The following WDR86 variants were observed in gnomAD, a reference collection of about 807,000 sequenced individuals.
The protein encoded by WDR86 is WD repeat domain 86.
Under a neutral mutation model 36.5 loss-of-function variants are expected in WDR86, and 30 were observed. The observed-to-expected ratio is 0.82, with a 90% CI of 0.61 to 1.11. The LOEUF (loss-of-function observed/expected upper bound fraction) is 1.11, where lower values mean the gene tolerates loss of function less well. Ranked by LOEUF, WDR86 falls within the 50% of genes most tolerant of loss-of-function variation. The pLI is 0.00. For missense variants in WDR86, 545 were observed against 561.2 expected (o/e 0.97, Z 0.29); for synonymous variants, 255 against 252.9 (o/e 1.01, Z -0.08).
In WDR86 at chr7:151,388,438, G is replaced by C. The variant is rs549003561; in HGVS notation, c.727-3215C>G. Among the ~76,000 whole-genome samples the C allele has an allele frequency of 7.1e-6, 1 of 140,388 alleles. No homozygotes were observed. Among genetic ancestry groups the C allele is most frequent in the East Asian group, 2.2e-4 (1 of 4,648 alleles). The allele number at this position is 140,388 out of a possible 152,430, so 92.1% of individuals were successfully genotyped here. ...CCTGGGCGACCCCTCAAAGAGCAGG[G>C]GAGAGGGCTGCCCTGCAGCGCAGGG... is the stretch of plus-strand genomic sequence containing the variant. On this transcript the variant is annotated intron_variant, in intron 3 of 5. Coordinates refer to ENST00000334493, the MANE Select transcript of WDR86 (RefSeq NM_198285.3). The surrounding 1 kb of genome is among the most constrained non-coding windows in gnomAD (Gnocchi z 4.2).
At chr7:151,389,615 C>T (rs1799264915) in intron 3 of WDR86, among the ~76,000 whole-genome samples, 1 of 152,200 alleles carries the variant, frequency 6.6e-6, no homozygotes, top group South Asian at 2.1e-4. Flanking sequence ...CTCTTAAGGG[C>T]ACCTGGGAAG....
intron 1 of WDR86, among the ~76,000 whole-genome samples, chr7:151,402,064 AAAAAAAATAT>A: frequency 1.4e-5 from 1 of 71,438 alleles, no homozygotes; most frequent in South Asian, 3.4e-4. Flanking sequence ...AAAAAAAAAA[AAAAAAAATAT>A]ATATATATAT....
At position 151,381,952 on chromosome 7, in the gene WDR86, G is replaced by A. The variant is rs745626382; in HGVS notation, c.892C>T (p.Arg298Trp). The A allele has an allele frequency of 6.2e-6, 10 of 1,607,098 alleles. No individual in the cohort carries two copies. Among genetic ancestry groups the A allele is most frequent in the Middle Eastern group, 1.7e-4 (1 of 6,052 alleles). Residue 298 changes from arginine (R) to tryptophan (W), a missense_variant, in exon 5 of 6, where the codon CGG becomes TGG. Physicochemically the swap from Arg to Trp is moderately radical, Grantham distance 101. Coordinates refer to ENST00000334493, the MANE Select transcript of WDR86 (RefSeq NM_198285.3). The surrounding 1 kb of genome is among the most constrained non-coding windows in gnomAD (Gnocchi z 4.8). Reference protein sequence around the residue: ...LFTGSGDACARAFDAQSGELR... With the variant: ...LFTGSGDACAWAFDAQSGELR... ...TCTCCAGACTGCGCGTCGAAGGCCC[G>A]GGCGCAAGCGTCCCCGCTGCCCGTG...
chr7:151,404,692 G>A (rs1163607434), intron 1 of WDR86, among the ~76,000 whole-genome samples: 2 of 152,234 alleles, frequency 1.3e-5, no homozygotes, highest in Non-Finnish European at 2.9e-5. Flanking sequence ...ATTTCTGAAG[G>A]GATGAAGAAT....
chr7:151,394,991 G>A (rs937594476), intron 3 of WDR86, among the ~76,000 whole-genome samples: 41 of 145,266 alleles, frequency 2.8e-4, no homozygotes, highest in Middle Eastern at 3.5e-3. Flanking sequence ...AAGAAGGGGC[G>A]TAATCCTCCC....
chr7:151,378,845 C>T (rs187331924), downstream of WDR86, among the ~76,000 whole-genome samples: 3 of 152,350 alleles, frequency 2.0e-5, no homozygotes, highest in African/African-American at 7.2e-5. Flanking sequence ...TGTTTTTAGC[C>T]ATCATAGAAG....
At chr7:151,379,802 C>T (rs776285999), downstream of WDR86, among the ~76,000 whole-genome samples, 3 of 152,144 alleles carry the variant, frequency 2.0e-5, no homozygotes, top group East Asian at 1.9e-4. Flanking sequence ...CTGGAGCTGA[C>T]GTGTCAGTGA....
chr7:151,371,175 C>T (rs1393154696), downstream of WDR86, among the ~76,000 whole-genome samples: 1 of 152,166 alleles, frequency 6.6e-6, no homozygotes. Context: ...AGTTACGATG[C>T]CTTTGGCTGA....
At chr7:151,392,638 C>A (rs1276151569) in intron 3 of WDR86, among the ~76,000 whole-genome samples, 3 of 152,196 alleles carry the variant, frequency 2.0e-5, no homozygotes, top group African/African-American at 7.2e-5. Context: ...GCAAACTCCA[C>A]CCCTGCCACT....
At position 151,395,816 on chromosome 7, in the gene WDR86, C is replaced by G. The variant is rs139982186; in HGVS notation, c.686G>C (p.Arg229Pro). 1.9e-6 allele frequency: 3 copies of G among 1,573,022 alleles called. No homozygotes were observed. In the African/African-American group the frequency reaches 4.1e-5, roughly 21 times the overall value. Residue 229 changes from arginine (R) to proline (P), a missense_variant, in exon 3 of 6, where the codon CGG becomes CCG. Arg to Pro is a moderately radical substitution (Grantham distance 103, BLOSUM62 -2). Coordinates refer to ENST00000334493, the MANE Select transcript of WDR86 (RefSeq NM_198285.3). ...AWDILSGEQLRVFREHRGSVI... is the reference protein window; with the variant it reads ...AWDILSGEQLPVFREHRGSVI... ...GGAGCCCCGGTGCTCCCGGAACACC[C>G]GCAGCTGCTCCCCACTCAGGATGTC...
At chr7:151,379,019 G>C (rs1165097709), downstream of WDR86, among the ~76,000 whole-genome samples, 3 of 152,244 alleles carry the variant, frequency 2.0e-5, no homozygotes, top group Non-Finnish European at 4.4e-5. Context: ...ACAGGCGGTA[G>C]AGGAGGGGGC....
intron 4 of WDR86, 124 bp downstream of exon 4, chr7:151,384,964 C>T (rs538792350): frequency 9.2e-7 from 1 of 1,090,202 alleles, no homozygotes; most frequent in African/African-American, 1.6e-5. Context: ...GGAACGAGCA[C>T]TGCCATTGGA....
Position 151,409,582 on chromosome 7 carries a change from C to A in WDR86, c.8G>T (p.Gly3Val), listed in dbSNP as rs1416773636. The A allele has an allele frequency of 9.4e-6, 13 of 1,388,588 alleles. No individual in the cohort carries two copies. The highest frequency in any genetic ancestry group is 1.2e-5 in the Non-Finnish European group (13 of 1,074,782). The allele number at this position is 1,388,588 out of a possible 1,614,324, so 86.0% of individuals were successfully genotyped here. The change falls in exon 1 of 6, where the codon GGC becomes GTC. Residue 3 changes from glycine to valine, a missense_variant. Gly to Val is a moderately radical substitution (Grantham distance 109). Coordinates refer to ENST00000334493, the MANE Select transcript of WDR86 (RefSeq NM_198285.3). The surrounding 1 kb of genome is among the most constrained non-coding windows in gnomAD (Gnocchi z 5.2). The part of the protein sequence containing the change: MG[G>V]GGSALRVCAD... ...GCAGACCCTCAGGGCCGACCCGCCG[C>A]CCCCCATCCCGCTGGCAGGGCGGGG... is the stretch of plus-strand genomic sequence containing the variant.
chr7:151,396,495 G>A (rs1799831499), intron 2 of WDR86, among the ~76,000 whole-genome samples: 1 of 152,210 alleles, frequency 6.6e-6, no homozygotes, highest in Non-Finnish European at 1.5e-5. Flanking sequence ...TGCAGGAGCA[G>A]CGGGAAGGGG....
At chr7:151,397,616 AG>A (rs1380198217) in intron 2 of WDR86, among the ~76,000 whole-genome samples, 3 of 149,002 alleles carry the variant, frequency 2.0e-5, no homozygotes, top group African/African-American at 2.5e-5. Context: ...AAAGTGCGGG[AG>A]GAAGAGGGTG....
Position 151,396,188 on chromosome 7 carries a change from A to G in WDR86, c.314T>C (p.Val105Ala). The G allele has an allele frequency of 6.2e-7, 1 of 1,612,832 alleles. No homozygotes were observed. The highest frequency in any genetic ancestry group is 8.5e-7 in the Non-Finnish European group (1 of 1,179,846). The change falls in exon 3 of 6, where the codon GTT (valine) becomes GCT (alanine). Residue 105 changes from valine (V) to alanine (A), a missense_variant. Coordinates refer to ENST00000334493, the MANE Select transcript of WDR86 (RefSeq NM_198285.3). ...GHTSIVNRIL[V>A]ANNQLFSSSY... ...GCTGCTGAAGAGCTGGTTGTTGGCA[A>G]CCAGGATCCTGGGGGCAAGAGGGAA...
intron 3 of WDR86, among the ~76,000 whole-genome samples, chr7:151,391,112 A>G (rs1371204481): frequency 2.0e-5 from 3 of 152,236 alleles, no homozygotes; most frequent in African/African-American, 4.8e-5. Context: ...GCAGATCGTG[A>G]GCGGCACTTC....
the WDR86 span, among the ~76,000 whole-genome samples, chr7:151,370,249 G>A: frequency 1.3e-5 from 2 of 152,024 alleles, no homozygotes; most frequent in Non-Finnish European, 2.9e-5. Context: ...ACCACGCCCA[G>A]CTTTACTTTT....
At chr7:151,402,070 A>ATATATATATATAT (rs1554425363) in intron 1 of WDR86, among the ~76,000 whole-genome samples, 7 of 50,528 alleles carry the variant, frequency 1.4e-4, no homozygotes, top group African/African-American at 5.9e-4. Context: ...AAAAAAAAAA[A>ATATATATATATAT]ATATATATAT....
Sources: allele counts gnomAD v4.1 joint callset (sites outside exome capture counted in the v4.1 genomes callset), GRCh38; gene constraint gnomAD v4.1.1; non-coding constraint Gnocchi (gnomAD v3.1); transcripts MANE v1.5; gene names NCBI Gene and HGNC (gene_info 2026-07-23, HGNC 2026-07-21).